Variants in ZNF623 observed in about 807,000 individuals in gnomAD.
ZNF623 encodes zinc finger protein 623.
Under a neutral mutation model 24.0 loss-of-function variants are expected in ZNF623, and 16 were observed. The ratio of observed to expected loss-of-function variants is 0.67; its 90% CI spans 0.45 to 1.01. The LOEUF (loss-of-function observed/expected upper bound fraction) is 1.01. ZNF623 is among the 50% of genes least tolerant of loss of function. The pLI is 0.00. For synonymous variants in ZNF623, 224 were observed against 219.8 expected (o/e 1.02, Z -0.17); for missense variants, 566 against 606.5 (o/e 0.93, Z 0.70).
chr8:143,650,403 A>C lies in ZNF623; in HGVS notation c.411A>C (p.Arg137Ser). 1 of 1,613,962 alleles carries C rather than the reference A, an allele frequency of 6.2e-7. No individual in the cohort carries two copies. The highest frequency in any genetic ancestry group is 1.1e-5 in the South Asian group (1 of 91,068). The change falls in exon 2 of 2, where the codon AGA (arginine) becomes AGC (serine). Residue 137 changes from arginine (R) to serine (S), a missense_variant. Physicochemically the swap from Arg to Ser is moderately radical, Grantham distance 110. Transcript: ENST00000526926. The surrounding 1 kb of genome is among the most constrained non-coding windows in gnomAD (Gnocchi z 5.2). ...ATCAGAGAATTCACACTGGAGAGAG[A>C]CTCTACGTCTGTAATGTGTGTGGGA... ...MEHQRIHTGE[R>S]LYVCNVCGKD...
intron 1 of ZNF623, among the ~76,000 whole-genome samples, chr8:143,646,847 G>A (rs1815186584): frequency 6.6e-6 from 1 of 151,950 alleles, no homozygotes; most frequent in Admixed American, 6.6e-5. Flanking sequence ...AATGTTTTTT[G>A]TAGAGATGGG....
At chr8:143,643,522 C>T (rs957142795) in intron 1 of ZNF623, among the ~76,000 whole-genome samples, 2 of 152,190 alleles carry the variant, frequency 1.3e-5, no homozygotes, top group Non-Finnish European at 2.9e-5. Context: ...TGGGGCATTG[C>T]CCTCCACAGC....
chr8:143,637,361 G>T (rs538316221), intron 1 of ZNF623, among the ~76,000 whole-genome samples: 3 of 152,204 alleles, frequency 2.0e-5, no homozygotes, highest in Admixed American at 6.5e-5. Context: ...AATTTCTTCA[G>T]GCTGTAAGCA....
chr8:143,638,859 A>C (rs549627882), intron 1 of ZNF623, among the ~76,000 whole-genome samples: 49 of 152,136 alleles, frequency 3.2e-4, no homozygotes, highest in Non-Finnish European at 6.8e-4. Flanking sequence ...ACTGAGTTCC[A>C]AAACAAGAAA....
At chr8:143,645,039 A>G (rs1815139977) in intron 1 of ZNF623, among the ~76,000 whole-genome samples, 1 of 152,046 alleles carries the variant, frequency 6.6e-6, no homozygotes, top group Non-Finnish European at 1.5e-5. Flanking sequence ...GAGGCAGGAG[A>G]ATCGCTGGAA....
intron 1 of ZNF623, among the ~76,000 whole-genome samples, chr8:143,646,664 G>A (rs1030208300): frequency 2.6e-5 from 4 of 151,934 alleles, no homozygotes; most frequent in Non-Finnish European, 5.9e-5. Context: ...AATTGATGGA[G>A]TGTTTTTTGT....
intron 1 of ZNF623, among the ~76,000 whole-genome samples, chr8:143,644,167 C>A (rs1345137543): frequency 6.6e-6 from 1 of 152,118 alleles, no homozygotes; most frequent in Non-Finnish European, 1.5e-5. Context: ...ATTACAGGTG[C>A]ATGCCACCAC....
chr8:143,640,605 G>A (rs1156836026), intron 1 of ZNF623, among the ~76,000 whole-genome samples: 1 of 152,190 alleles, frequency 6.6e-6, no homozygotes, highest in East Asian at 1.9e-4. Context: ...ACCAGGAGCA[G>A]ATTCCATGTC....
Position 143,651,074 on chromosome 8 carries a change from G to C in ZNF623, c.1082G>C (p.Arg361Thr). ...CACCAGAAAATCCACACTGGAGAGA[G>C]AGTGTATGAATGTAAGGAATGTGGG... ...IRHQKIHTGE[R>T]VYECKECGKA... Residue 361 changes from arginine to threonine, a missense_variant, in exon 2 of 2, where the codon AGA becomes ACA. Around this residue, in one of 3 missense-constraint regions of ZNF623, gnomAD observed 117 missense variants for 174.2 expected, o/e 0.67. Transcript: ENST00000526926. The C allele has an allele frequency of 1.9e-6, 3 of 1,614,202 alleles. No homozygotes were observed. The highest frequency in any genetic ancestry group is 2.5e-6 in the Non-Finnish European group (3 of 1,180,044).
rs61744877 is a variant in ZNF623 at position 143,650,949 on chromosome 8, G to A, written c.957G>A (p.Thr319=). ...CNECGKRFSQ[T]SNFTQHQRIH... ...AGTGTGGGAAGCGCTTCAGCCAGACGTCAAACTTCACCCAGCATCAGAGAA... is the reference window on the plus strand; with the variant it reads ...AGTGTGGGAAGCGCTTCAGCCAGACATCAAACTTCACCCAGCATCAGAGAA... Residue 319 remains threonine (T), a synonymous_variant, in exon 2 of 2, where the codon ACG becomes ACA. Coordinates refer to ENST00000526926, the MANE Select transcript of ZNF623 (RefSeq NM_001261843.2). The surrounding 1 kb of genome is among the most constrained non-coding windows in gnomAD (Gnocchi z 5.2). The A allele has an allele frequency of 8.0e-3, 12,833 of 1,613,626 alleles. 833 individuals are homozygous for A. The African/African-American group carries it at 0.15, about 18-fold the overall frequency.
rs757134911 is a variant in ZNF623 at position 143,651,233 on chromosome 8, C to A, written c.1241C>A (p.Thr414Asn). The A allele has an allele frequency of 3.1e-6, 5 of 1,614,218 alleles. No homozygotes were observed. The Admixed American group carries it at 6.7e-5, about 22-fold the overall frequency. ...CTGCTTCTGCACCAGATTATTCACA[C>A]TGGAGAAAAGCCCTATGTGTGCAGT... The part of the protein sequence containing the change: ...SKLLLHQIIH[T>N]GEKPYVCSYC... The change falls in exon 2 of 2, where the codon ACT (threonine) becomes AAT (asparagine). Residue 414 changes from threonine to asparagine, a missense_variant. Physicochemically the swap from Thr to Asn is moderately conservative, Grantham distance 65 (BLOSUM62 0). This residue lies in a region of ZNF623 where 136 missense variants were observed against 131.9 expected (regional missense o/e 1.03). Transcript: ENST00000526926.
At chr8:143,636,832 T>C (rs1295174901) in intron 1 of ZNF623, among the ~76,000 whole-genome samples, 1 of 152,192 alleles carries the variant, frequency 6.6e-6, no homozygotes, top group African/African-American at 2.4e-5. Flanking sequence ...CCAGTGGCGT[T>C]CTCTGTGCTT....
At chr8:143,642,644 A>G (rs1422904987) in intron 1 of ZNF623, among the ~76,000 whole-genome samples, 4 of 152,166 alleles carry the variant, frequency 2.6e-5, no homozygotes, top group Non-Finnish European at 5.9e-5. Context: ...AGGCCATGGT[A>G]AGGTTACTAA....
At chr8:143,649,226 C>T (rs1483821610) in intron 1 of ZNF623, among the ~76,000 whole-genome samples, 1 of 150,684 alleles carries the variant, frequency 6.6e-6, no homozygotes, top group African/African-American at 2.4e-5. Context: ...TGCAGTGAGC[C>T]GAGATTGCAC....
At chr8:143,640,197 A>G (rs756415877) in intron 1 of ZNF623, among the ~76,000 whole-genome samples, 1 of 152,248 alleles carries the variant, frequency 6.6e-6, no homozygotes, top group Non-Finnish European at 1.5e-5. Flanking sequence ...TGTGGTTACT[A>G]TTCAGTATGC....
In ZNF623 at chr8:143,637,839, C is replaced by T. The variant is rs549478557; in HGVS notation, c.-96+1694C>T. Among the ~76,000 whole-genome samples the T allele has an allele frequency of 3.2e-4, 48 of 152,222 alleles. 2 individuals carry two copies. Among genetic ancestry groups the T allele is most frequent in the African/African-American group, 1.1e-3 (46 of 41,546 alleles). On this transcript the variant is annotated intron_variant, in intron 1 of 1. Transcript: ENST00000526926. ...CTGGGATTACAGGCGTGAGCCACCG[C>T]GCCTGGCCTCAGGTGATGTTTTATC...
At chr8:143,644,308 G>C (rs549954456) in intron 1 of ZNF623, among the ~76,000 whole-genome samples, 15 of 152,278 alleles carry the variant, frequency 9.9e-5, no homozygotes, top group African/African-American at 3.6e-4. Context: ...ATGAGCCGCT[G>C]TACCTGGTGC....
At position 143,653,347 on chromosome 8, in the gene ZNF623, G is replaced by T. The variant is rs1815383134; in HGVS notation, c.*1864G>T. 6.0e-6 allele frequency: 1 copy of T among 167,046 alleles called. No homozygotes were observed. Among genetic ancestry groups the T allele is most frequent in the Non-Finnish European group, 1.5e-5 (1 of 68,122 alleles). 10.3% of individuals were successfully genotyped at this position (167,046 alleles called of 1,614,324 possible). A position where few individuals can be genotyped will look rare whatever the true frequency, so the allele number is the denominator to read the frequency against. On this transcript the variant is annotated 3_prime_UTR_variant, in exon 2 of 2. Coordinates refer to ENST00000526926, the MANE Select transcript of ZNF623 (RefSeq NM_001261843.2). ...CTCAGGACAAATAATTCAAAAAAGA[G>T]ATCTACATTTTCTGGAAAATCAGCA...
Position 143,651,018 on chromosome 8 carries a change from A to T in ZNF623, c.1026A>T (p.Lys342Asn). 1 of 1,614,222 alleles carries T rather than the reference A, an allele frequency of 6.2e-7. No homozygotes were observed. The highest frequency in any genetic ancestry group is 8.5e-7 in the Non-Finnish European group (1 of 1,180,030). Reference protein sequence around the residue: ...EKLYECNECGKAFFLSSYLIR... With the variant: ...EKLYECNECGNAFFLSSYLIR... ...TCTATGAATGTAACGAGTGTGGGAA[A>T]GCTTTCTTTCTGAGTTCATACCTTA... Residue 342 changes from lysine (K) to asparagine (N), a missense_variant, in exon 2 of 2, where the codon AAA becomes AAT. Transcript: ENST00000526926.
Sources: allele counts gnomAD v4.1 joint callset (sites outside exome capture counted in the v4.1 genomes callset), GRCh38; gene constraint gnomAD v4.1.1; regional missense constraint gnomAD v4.1.1; non-coding constraint Gnocchi (gnomAD v3.1); transcripts MANE v1.5; gene names NCBI Gene and HGNC (gene_info 2026-07-23, HGNC 2026-07-21).